The following MECOM variants were observed in gnomAD, a reference collection of about 807,000 sequenced individuals.
MECOM encodes histone-lysine N-methyltransferase MECOM.
In MECOM, 13 loss-of-function variants were observed where a neutral mutation model predicts 116.3. That is an observed-to-expected ratio of 0.11 (90% CI 0.07 to 0.18). MECOM has a LOEUF of 0.18. Among genes scored for constraint, MECOM ranks in the 10% least tolerant of loss-of-function variants. The pLI is 1.00. For synonymous variants in MECOM, 528 were observed against 535.2 expected, an observed-to-expected ratio of 0.99 and a Z score of 0.19; for missense variants, 1,299 against 1,509.0, an observed-to-expected ratio of 0.86 and a Z score of 2.31.
intron 2 of MECOM, among the ~76,000 whole-genome samples, chr3:169,197,335 TAAATAAATA>T (rs1325742283): frequency 2.2e-4 from 13 of 60,324 alleles, no homozygotes; most frequent in Non-Finnish European, 3.7e-4. Flanking sequence ...AATAAATAAA[TAAATAAATA>T]AAATAAAATA....
chr3:169,394,110 CTGT>C (rs1179181894), intron 1 of MECOM, among the ~76,000 whole-genome samples: 14 of 152,094 alleles, frequency 9.2e-5, no homozygotes, highest in African/African-American at 2.9e-4. Flanking sequence ...TGTTTTGTTG[CTGT>C]TGTTGTATTA....
intron 1 of MECOM, among the ~76,000 whole-genome samples, chr3:169,505,544 AGTGT>A (rs1051219768): frequency 6.6e-6 from 1 of 152,148 alleles, no homozygotes; most frequent in Admixed American, 6.5e-5. Context: ...ATCTTGTGTG[AGTGT>A]GTGTTTGTGT....
intron 1 of MECOM, among the ~76,000 whole-genome samples, chr3:169,560,509 C>A (rs1762522615): frequency 6.6e-6 from 1 of 152,082 alleles, no homozygotes; most frequent in Non-Finnish European, 1.5e-5. Context: ...CATAACCTGA[C>A]TTCTGTGAAC....
At chr3:169,273,774 T>C (rs1322814379) in intron 2 of MECOM, among the ~76,000 whole-genome samples, 2 of 152,130 alleles carry the variant, frequency 1.3e-5, no homozygotes, top group Non-Finnish European at 2.9e-5. Context: ...AGTTCCTACT[T>C]ACTGGCAATT....
chr3:169,577,731 ATTTGCATAT>A (rs1764682584), intron 1 of MECOM, among the ~76,000 whole-genome samples: 2 of 152,160 alleles, frequency 1.3e-5, no homozygotes, highest in Admixed American at 1.3e-4. Flanking sequence ...AGCCAGACTA[ATTTGCATAT>A]TTTCCATGTA....
chr3:169,474,436 T>C (rs1370581859), intron 1 of MECOM, among the ~76,000 whole-genome samples: 2 of 152,114 alleles, frequency 1.3e-5, no homozygotes, highest in African/African-American at 4.8e-5. Context: ...TCCTTGAAAA[T>C]GGAATGTCAA....
intron 1 of MECOM, among the ~76,000 whole-genome samples, chr3:169,501,534 T>C (rs1429868996): frequency 1.3e-5 from 2 of 152,076 alleles, no homozygotes; most frequent in Non-Finnish European, 2.9e-5. Flanking sequence ...AAAGACTCAT[T>C]TGAATATTGC....
chr3:169,597,761 C>A (rs940325304), intron 1 of MECOM, among the ~76,000 whole-genome samples: 3 of 152,068 alleles, frequency 2.0e-5, no homozygotes, highest in Non-Finnish European at 2.9e-5. Flanking sequence ...AGTGGCAAAA[C>A]AGCTCATGAG....
intron 2 of MECOM, among the ~76,000 whole-genome samples, chr3:169,268,524 G>A (rs1185391483): frequency 6.6e-6 from 1 of 152,198 alleles, no homozygotes; most frequent in Non-Finnish European, 1.5e-5. Context: ...GCCCAGCTGT[G>A]TTGTTCTTGT....
chr3:169,615,948 T>C (rs1207352862), intron 1 of MECOM, among the ~76,000 whole-genome samples: 1 of 152,250 alleles, frequency 6.6e-6, no homozygotes, highest in Non-Finnish European at 1.5e-5. Flanking sequence ...CAAAGTGTTA[T>C]CTCAAGTTTC....
intron 2 of MECOM, among the ~76,000 whole-genome samples, chr3:169,198,877 T>G (rs1486349578): frequency 1.2e-4 from 18 of 151,894 alleles, no homozygotes; most frequent in Non-Finnish European, 7.4e-5. Context: ...ATAATTTAAT[T>G]TGGGAAGAGC....
chr3:169,613,280 A>T (rs1769503445), intron 1 of MECOM, among the ~76,000 whole-genome samples: 1 of 152,206 alleles, frequency 6.6e-6, no homozygotes, highest in African/African-American at 2.4e-5. Flanking sequence ...ATCAGGAAGC[A>T]GGAGATGGCT....
At chr3:169,296,645 T>C (rs1307858826) in intron 2 of MECOM, among the ~76,000 whole-genome samples, 3 of 152,156 alleles carry the variant, frequency 2.0e-5, no homozygotes, top group African/African-American at 7.2e-5. Flanking sequence ...GAGCATAACA[T>C]GACTTGATTC....
At chr3:169,295,399 A>C (rs1715403704) in intron 2 of MECOM, among the ~76,000 whole-genome samples, 1 of 152,238 alleles carries the variant, frequency 6.6e-6, no homozygotes, top group Non-Finnish European at 1.5e-5. Flanking sequence ...GCTATTCTAA[A>C]ATTATAAAGT....
At chr3:169,584,433 C>T (rs931754218) in intron 1 of MECOM, among the ~76,000 whole-genome samples, 13 of 151,466 alleles carry the variant, frequency 8.6e-5, no homozygotes, top group East Asian at 5.9e-4. Context: ...GGCGTGGTGG[C>T]GAGCGCCTGT....
intron 1 of MECOM, among the ~76,000 whole-genome samples, chr3:169,604,872 A>C (rs897370345): frequency 6.6e-6 from 1 of 152,206 alleles, no homozygotes; most frequent in Non-Finnish European, 1.5e-5. Flanking sequence ...TTGTAGAAAC[A>C]GTATTCTTGG....
rs1728608371 is a variant in MECOM, at chr3:169,363,341, C to T, written c.375+17846G>A. ...TTAAGGTCATTAGAGACTTTATCTC[C>T]TGTGAAGGCTATATTTGTCAGATTG... On this transcript the variant is annotated intron_variant, in intron 2 of 16. Coordinates refer to ENST00000651503, the MANE Select transcript of MECOM (RefSeq NM_004991.4). Among the ~76,000 whole-genome samples the T allele has an allele frequency of 3.3e-5, 5 of 151,958 alleles. 1 individual carries two copies. Among genetic ancestry groups the T allele is most frequent in the Admixed American group, 3.3e-4 (5 of 15,230 alleles).
chr3:169,274,894 T>C (rs566741034), intron 2 of MECOM, among the ~76,000 whole-genome samples: 2 of 152,224 alleles, frequency 1.3e-5, no homozygotes, highest in South Asian at 4.2e-4. Flanking sequence ...ATCATAGATA[T>C]AAAATATAAA....
At chr3:169,200,661 G>C in intron 2 of MECOM, among the ~76,000 whole-genome samples, 1 of 152,150 alleles carries the variant, frequency 6.6e-6, no homozygotes, top group South Asian at 2.1e-4. Context: ...AGATATTTGG[G>C]CAATTAGGTC....
Sources: allele counts gnomAD v4.1 joint callset (sites outside exome capture counted in the v4.1 genomes callset), GRCh38; gene constraint gnomAD v4.1.1; transcripts MANE v1.5; gene names NCBI Gene and HGNC (gene_info 2026-07-23, HGNC 2026-07-21).